TMEM65: variants seen among roughly 807,000 people sequenced by gnomAD.
TMEM65 encodes the protein transmembrane protein 65.
Under a neutral mutation model 25.4 loss-of-function variants are expected in TMEM65, and 22 were observed. The ratio of observed to expected loss-of-function variants is 0.86; its 90% confidence interval spans 0.62 to 1.23. The LOEUF (loss-of-function observed/expected upper bound fraction) is 1.23, where lower values mean the gene tolerates loss of function less well. Ranked by LOEUF, TMEM65 falls within the 50% of genes most tolerant of loss-of-function variation. The pLI is 0.00. For missense variants in TMEM65, 262 were observed against 308.2 expected, an observed-to-expected ratio of 0.85 and a Z score of 1.12; for synonymous variants, 132 against 126.2, an observed-to-expected ratio of 1.05 and a Z score of -0.31.
intron 1 of TMEM65, among the ~76,000 whole-genome samples, chr8:124,359,963 C>T (rs931595692): frequency 1.3e-5 from 2 of 152,184 alleles, no homozygotes; most frequent in African/African-American, 4.8e-5. Context: ...GCAGAGAACG[C>T]TTTCTTTGCC....
chr8:124,335,534 T>C (rs1410352799), intron 1 of TMEM65, among the ~76,000 whole-genome samples: 1 of 152,180 alleles, frequency 6.6e-6, no homozygotes, highest in Admixed American at 6.5e-5. Context: ...ATAGTGTTTA[T>C]AAAATATGTA....
At chr8:124,362,384 G>T (rs1814879116) in intron 1 of TMEM65, among the ~76,000 whole-genome samples, 1 of 151,950 alleles carries the variant, frequency 6.6e-6, no homozygotes, top group Non-Finnish European at 1.5e-5. Flanking sequence ...AAAATTGGCT[G>T]GTCGCAGTGG....
intron 6 of TMEM65, among the ~76,000 whole-genome samples, chr8:124,314,965 C>T (rs1408267292): frequency 6.6e-6 from 1 of 152,130 alleles, no homozygotes; most frequent in Non-Finnish European, 1.5e-5. Context: ...GGAGCCACCA[C>T]ACCCAGATCA....
At chr8:124,334,000 G>A (rs572965978) in intron 1 of TMEM65, among the ~76,000 whole-genome samples, 1 of 152,282 alleles carries the variant, frequency 6.6e-6, no homozygotes, top group East Asian at 1.9e-4. Context: ...TCTACAGCTG[G>A]CTTGTGGAAC....
At chr8:124,370,473 T>C (rs74702904) in intron 1 of TMEM65, among the ~76,000 whole-genome samples, 1,921 of 152,330 alleles carry the variant, frequency 0.013, 40 homozygotes, top group African/African-American at 0.044. Flanking sequence ...CACACATAGA[T>C]TACAAATGTG....
At chr8:124,337,580 A>G (rs541547605) in intron 1 of TMEM65, among the ~76,000 whole-genome samples, 1 of 152,176 alleles carries the variant, frequency 6.6e-6, no homozygotes, top group African/African-American at 2.4e-5. Flanking sequence ...ATGAGATAAT[A>G]TTTACATATA....
chr8:124,361,305 G>A (rs1814856233), intron 1 of TMEM65, among the ~76,000 whole-genome samples: 1 of 151,920 alleles, frequency 6.6e-6, no homozygotes, highest in Non-Finnish European at 1.5e-5. Flanking sequence ...CGTAGTGGTG[G>A]GCGCCTGTAA....
At chr8:124,319,243 C>T (rs551678793) in intron 6 of TMEM65, among the ~76,000 whole-genome samples, 11 of 152,206 alleles carry the variant, frequency 7.2e-5, no homozygotes, top group South Asian at 4.1e-4. Flanking sequence ...AAATTCAATG[C>T]GTCCAAAATA....
At chr8:124,327,216 T>G in intron 3 of TMEM65, 138 bp downstream of exon 3, 1 of 616,614 alleles carries the variant, frequency 1.6e-6, no homozygotes, top group Non-Finnish European at 2.8e-6. Context: ...AATTGAGCTA[T>G]AGTCTGAGAT....
chr8:124,350,459 T>G (rs548482635), intron 1 of TMEM65, among the ~76,000 whole-genome samples: 3 of 117,200 alleles, frequency 2.6e-5, no homozygotes, highest in African/African-American at 9.2e-5. Flanking sequence ...ACTCTCTCTC[T>G]TTCCCTCTCT....
At chr8:124,361,755 GA>G (rs1293824587) in intron 1 of TMEM65, among the ~76,000 whole-genome samples, 3 of 151,904 alleles carry the variant, frequency 2.0e-5, no homozygotes, top group African/African-American at 7.2e-5. Context: ...AGAATTGCTT[GA>G]ACCCGGGAGG....
At chr8:124,315,762 T>C (rs1814229474) in intron 6 of TMEM65, among the ~76,000 whole-genome samples, 1 of 152,216 alleles carries the variant, frequency 6.6e-6, no homozygotes. Context: ...TTGATATTAA[T>C]AGTCAAAACT....
At chr8:124,364,407 A>G (rs1814912210) in intron 1 of TMEM65, among the ~76,000 whole-genome samples, 1 of 152,224 alleles carries the variant, frequency 6.6e-6, no homozygotes, top group South Asian at 2.1e-4. Flanking sequence ...TTTCACTACC[A>G]CTATGACAGA....
intron 1 of TMEM65, among the ~76,000 whole-genome samples, chr8:124,341,338 A>G (rs566780405): frequency 3.0e-4 from 45 of 152,144 alleles, no homozygotes; most frequent in African/African-American, 1.1e-3. Flanking sequence ...AAAGAATTTT[A>G]TGTGTGACAA....
rs1461657810 is a variant in TMEM65, at chr8:124,308,316, T to A, written c.*5644A>T. The stretch of plus-strand genomic sequence containing the variant: ...ATTTAGTTTCTAGATCAGGGAGTCA[T>A]AAGGACCTATAGGCTCATTACACAC... On this transcript the variant is annotated 3_prime_UTR_variant, in exon 7 of 7. Transcript: ENST00000297632. 6.6e-6 allele frequency: 1 copy of A among 152,146 alleles called. No individual in the cohort carries two copies. Among genetic ancestry groups the A allele is most frequent in the Admixed American group, 6.5e-5 (1 of 15,270 alleles). 9.4% of individuals were successfully genotyped at this position (152,146 alleles called of 1,614,324 possible). A position where few individuals can be genotyped will look rare whatever the true frequency, so the allele number is the denominator to read the frequency against.
rs555202745 is a variant in TMEM65, at chr8:124,363,562, G to GTAAA, written c.304+8288_304+8291dup. On this transcript the variant is annotated intron_variant, in intron 1 of 6. Coordinates refer to ENST00000297632, the MANE Select transcript of TMEM65 (RefSeq NM_194291.3). ...CATAATACCTGATGTAGACATCCAT[G>GTAAA]TAAAACAAGAAGCGCCTGTAATCCC... 9.5e-3 allele frequency among the ~76,000 whole-genome samples: 1,441 copies of GTAAA among 152,192 alleles called. 31 individuals carry two copies. Among genetic ancestry groups the GTAAA allele is most frequent in the Middle Eastern group, 0.017 (5 of 294 alleles).
Position 124,372,037 on chromosome 8 carries a change from G to C in TMEM65, c.121C>G (p.Leu41Val). The change falls in exon 1 of 7, where the codon CTC becomes GTC. Residue 41 changes from leucine to valine, a missense_variant. Leu to Val is a conservative substitution (Grantham distance 32). Transcript: ENST00000297632. Reference protein sequence around the residue: ...WCCCGRGLLALAPPGGLPGGP... With the variant: ...WCCCGRGLLAVAPPGGLPGGP... ...CCCGGCAAGCCGCCGGGGGGCGCGA[G>C]CGCCAGCAGCCCCCGCCCGCAGCAG... is the stretch of plus-strand genomic sequence containing the variant. 1 of 1,245,386 alleles carries C rather than the reference G, an allele frequency of 8.0e-7. No individual in the cohort carries two copies. The highest frequency in any genetic ancestry group is 1.0e-6 in the Non-Finnish European group (1 of 993,792). 77.1% of individuals were successfully genotyped at this position (1,245,386 alleles called of 1,614,324 possible).
intron 6 of TMEM65, among the ~76,000 whole-genome samples, chr8:124,315,123 T>C (rs1165924811): frequency 6.6e-6 from 1 of 152,218 alleles, no homozygotes; most frequent in Non-Finnish European, 1.5e-5. Flanking sequence ...AACTCTGTAC[T>C]GGGTGTACCA....
rs1446162840 is a variant in TMEM65 at position 124,306,996 on chromosome 8, C to G, written c.*6964G>C. The G allele has an allele frequency of 1.3e-5, 2 of 152,032 alleles. No homozygotes were observed. The highest frequency in any genetic ancestry group is 4.8e-5 in the African/African-American group (2 of 41,374). 9.4% of individuals were successfully genotyped at this position (152,032 alleles called of 1,614,324 possible). On this transcript the variant is annotated 3_prime_UTR_variant, in exon 7 of 7. Coordinates refer to ENST00000297632, the MANE Select transcript of TMEM65 (RefSeq NM_194291.3). ...TATCAAAACTTAACGCATACACAGACTATACATTGGAGCCATTTGCAGTTG... is the reference window on the plus strand; with the variant it reads ...TATCAAAACTTAACGCATACACAGAGTATACATTGGAGCCATTTGCAGTTG...
Sources: gnomAD v4.1 joint callset for allele counts (sites outside exome capture counted in the v4.1 genomes callset) on GRCh38, gnomAD v4.1.1 for gene constraint, MANE v1.5 for transcripts, NCBI Gene and HGNC (gene_info 2026-07-23, HGNC 2026-07-21) for gene names.